The following FAM219A variants were observed in gnomAD, a reference collection of about 807,000 sequenced individuals.
FAM219A encodes the protein protein FAM219A.
In FAM219A, 7 loss-of-function variants were observed where a neutral mutation model predicts 23.4. That is an observed-to-expected ratio of 0.30 (90% CI 0.17 to 0.56). The LOEUF (loss-of-function observed/expected upper bound fraction) is 0.56, where lower values mean the gene tolerates loss of function less well. Ranked by LOEUF, FAM219A falls within the 20% of genes least tolerant of loss-of-function variation. FAM219A has a pLI of 0.92. For missense variants in FAM219A, 166 were observed against 246.9 expected (o/e 0.67, Z 2.20); for synonymous variants, 93 against 99.0 (o/e 0.94, Z 0.36).
At chr9:34,450,628 A>C (rs1209597433) in intron 1 of FAM219A, among the ~76,000 whole-genome samples, 1 of 152,190 alleles carries the variant, frequency 6.6e-6, no homozygotes, top group African/African-American at 2.4e-5. Context: ...CATCTTGGCC[A>C]GGCTGTTCTT....
In FAM219A at chr9:34,458,162, C is replaced by T. The variant is rs1261371956; in HGVS notation, c.60+42G>A. ...GATTCCCTCCCTCCCCCTCAAGCGACGCCCCCTCCGGCCTTGGCCTGCCCG... is the reference window on the plus strand; with the variant it reads ...GATTCCCTCCCTCCCCCTCAAGCGATGCCCCCTCCGGCCTTGGCCTGCCCG... On this transcript the variant is annotated intron_variant, in intron 1 of 5. Transcript: ENST00000651358. This position sits in a 1 kb window ranked among gnomAD's most constrained non-coding sequence, Gnocchi z 6.6. The T allele has an allele frequency of 1.3e-6, 2 of 1,546,544 alleles. No homozygotes were observed. The highest frequency in any genetic ancestry group is 1.7e-6 in the Non-Finnish European group (2 of 1,151,772).
chr9:34,429,812 A>C (rs956706101), intron 1 of FAM219A, among the ~76,000 whole-genome samples: 3 of 152,238 alleles, frequency 2.0e-5, no homozygotes, highest in African/African-American at 7.2e-5. Flanking sequence ...GTGATGGCTC[A>C]TGAAAGGATC....
At chr9:34,432,622 T>C (rs1165860042) in intron 1 of FAM219A, among the ~76,000 whole-genome samples, 2 of 152,212 alleles carry the variant, frequency 1.3e-5, no homozygotes, top group African/African-American at 2.4e-5. Context: ...AAACATATTA[T>C]TTCAAGTAAC....
intron 4 of FAM219A, chr9:34,402,100 C>G: frequency 7.3e-7 from 1 of 1,374,270 alleles, no homozygotes; most frequent in South Asian, 1.5e-5. Context: ...GCATCATATT[C>G]TGCTGTCCAG....
At chr9:34,433,821 A>C (rs1353095216) in intron 1 of FAM219A, among the ~76,000 whole-genome samples, 1 of 152,158 alleles carries the variant, frequency 6.6e-6, no homozygotes, top group Non-Finnish European at 1.5e-5. Flanking sequence ...TTCAATGGGG[A>C]AAGTAACACA....
chr9:34,422,421 C>T (rs1266203428), intron 1 of FAM219A, among the ~76,000 whole-genome samples: 6 of 152,210 alleles, frequency 3.9e-5, no homozygotes, highest in Non-Finnish European at 1.5e-5. Flanking sequence ...TCTCTTACCC[C>T]AGCCCCTTCT....
In FAM219A at chr9:34,419,626, C is replaced by G. The variant is rs140785792; in HGVS notation, c.61-13662G>C. Among the ~76,000 whole-genome samples, 71 of 152,250 alleles carry G rather than the reference C, an allele frequency of 4.7e-4. 1 individual carries two copies. In the East Asian group the frequency reaches 0.012, roughly 25 times the overall value. Reference sequence around the variant, plus strand: ...GTAGGAAGCAGAAGCAGGAGAAATGCCAGCAGACACTGACATTTGTCTGGG... The same window carrying G: ...GTAGGAAGCAGAAGCAGGAGAAATGGCAGCAGACACTGACATTTGTCTGGG... On this transcript the variant is annotated intron_variant, in intron 1 of 5. Transcript: ENST00000651358.
At chr9:34,419,102 C>T (rs1243592047) in intron 1 of FAM219A, among the ~76,000 whole-genome samples, 1 of 151,482 alleles carries the variant, frequency 6.6e-6, no homozygotes, top group Non-Finnish European at 1.5e-5. Context: ...AACAAACAAA[C>T]AAAGCCCCAT....
intron 1 of FAM219A, among the ~76,000 whole-genome samples, chr9:34,430,413 G>A (rs1822646799): frequency 6.6e-6 from 1 of 151,650 alleles, no homozygotes; most frequent in Admixed American, 6.6e-5. Context: ...TGAGGTGGGC[G>A]GATCACAAGG....
At chr9:34,430,186 G>A (rs1822638202) in intron 1 of FAM219A, among the ~76,000 whole-genome samples, 1 of 152,086 alleles carries the variant, frequency 6.6e-6, no homozygotes, top group Admixed American at 6.6e-5. Flanking sequence ...AAGAGAAGAG[G>A]TCATGCCCCT....
chr9:34,439,309 T>G (rs1003702185), intron 1 of FAM219A, among the ~76,000 whole-genome samples: 3 of 152,232 alleles, frequency 2.0e-5, no homozygotes, highest in Non-Finnish European at 4.4e-5. Flanking sequence ...TGGTTGAATG[T>G]CAGATACGAC....
intron 1 of FAM219A, among the ~76,000 whole-genome samples, chr9:34,419,999 C>A (rs978533019): frequency 6.6e-6 from 1 of 152,190 alleles, no homozygotes; most frequent in African/African-American, 2.4e-5. Context: ...CTACTCTTTG[C>A]CCACAAAGAT....
At chr9:34,432,958 G>A (rs1452331106) in intron 1 of FAM219A, among the ~76,000 whole-genome samples, 1 of 152,088 alleles carries the variant, frequency 6.6e-6, no homozygotes, top group Non-Finnish European at 1.5e-5. Flanking sequence ...TCAACCTCCT[G>A]AATTGCTGGG....
Position 34,458,160 on chromosome 9 carries a change from G to C in FAM219A, c.60+44C>G. The C allele has an allele frequency of 6.6e-7, 1 of 1,524,832 alleles. No individual in the cohort carries two copies. The highest frequency in any genetic ancestry group is 8.8e-7 in the Non-Finnish European group (1 of 1,139,146). 94.5% of individuals were successfully genotyped at this position (1,524,832 alleles called of 1,614,324 possible). On this transcript the variant is annotated intron_variant, in intron 1 of 5. Transcript: ENST00000651358. The surrounding 1 kb of genome is among the most constrained non-coding windows in gnomAD (Gnocchi z 6.6). ...CTGATTCCCTCCCTCCCCCTCAAGC[G>C]ACGCCCCCTCCGGCCTTGGCCTGCC...
At chr9:34,450,473 G>A (rs1432461304) in intron 1 of FAM219A, among the ~76,000 whole-genome samples, 1 of 151,544 alleles carries the variant, frequency 6.6e-6, no homozygotes, top group Non-Finnish European at 1.5e-5. Context: ...AGGATAGAGT[G>A]CAGTGGCACA....
At chr9:34,409,827 A>G (rs937049248) in intron 1 of FAM219A, among the ~76,000 whole-genome samples, 1 of 152,216 alleles carries the variant, frequency 6.6e-6, no homozygotes, top group Non-Finnish European at 1.5e-5. Flanking sequence ...TTTCATTTAT[A>G]TATCAGCCTG....
chr9:34,414,974 C>G (rs563749874), intron 1 of FAM219A, among the ~76,000 whole-genome samples: 1 of 152,184 alleles, frequency 6.6e-6, no homozygotes, highest in African/African-American at 2.4e-5. Context: ...TTTTTAGAGA[C>G]AGGGTCTCAC....
At chr9:34,419,866 G>A (rs1822194962) in intron 1 of FAM219A, among the ~76,000 whole-genome samples, 1 of 152,156 alleles carries the variant, frequency 6.6e-6, no homozygotes, top group Non-Finnish European at 1.5e-5. Flanking sequence ...TGTCTGCAAT[G>A]GACAATGGAC....
chr9:34,421,005 TGTGTGAGAGA>T (rs1361956851), intron 1 of FAM219A, among the ~76,000 whole-genome samples: 2 of 41,522 alleles, frequency 4.8e-5, no homozygotes, highest in African/African-American at 1.5e-4. Flanking sequence ...TGTGTGTGTG[TGTGTGAGAGA>T]GAGAGAGAGA....
Sources: allele counts gnomAD v4.1 joint callset (sites outside exome capture counted in the v4.1 genomes callset), GRCh38; gene constraint gnomAD v4.1.1; non-coding constraint Gnocchi (gnomAD v3.1); transcripts MANE v1.5; gene names NCBI Gene and HGNC (gene_info 2026-07-23, HGNC 2026-07-21).